Variants in MROH1 observed in about 807,000 individuals in gnomAD.
MROH1 encodes the protein maestro heat like repeat family member 1.
A neutral mutation model predicts 116.5 loss-of-function variants in MROH1; 117 were observed. The observed-to-expected ratio is 1.00, with a 90% CI of 0.86 to 1.17. MROH1 has a LOEUF of 1.17. Among genes scored for constraint, MROH1 ranks in the 50% most tolerant of loss-of-function variants. The pLI is 0.00. For missense variants in MROH1, 1,873 were observed against 1,338.5 expected, an observed-to-expected ratio of 1.40 and a Z score of -6.23; for synonymous variants, 921 against 583.9, an observed-to-expected ratio of 1.58 and a Z score of -8.32.
chr8:144,187,971 A>G (rs1827614130), intron 7 of MROH1, among the ~76,000 whole-genome samples: 1 of 152,102 alleles, frequency 6.6e-6, no homozygotes, highest in Non-Finnish European at 1.5e-5. Flanking sequence ...TGAGGTTGTC[A>G]GCCCATTGTG....
chr8:144,150,527 C>T (rs1320772368), intron 1 of MROH1, among the ~76,000 whole-genome samples: 14 of 152,320 alleles, frequency 9.2e-5, no homozygotes, highest in Middle Eastern at 3.4e-3. Flanking sequence ...GCACCAGCAC[C>T]GAGTAGCCCC....
intron 12 of MROH1, among the ~76,000 whole-genome samples, chr8:144,208,651 A>T (rs761665886): frequency 6.6e-6 from 1 of 152,180 alleles, no homozygotes; most frequent in Non-Finnish European, 1.5e-5. Context: ...CCACAATTCA[A>T]CTTATAGCAT....
rs892227520 is a variant in MROH1 at position 144,254,923 on chromosome 8, G to A, written c.3539G>A (p.Arg1180Gln). The A allele has an allele frequency of 1.5e-5, 12 of 776,664 alleles. No homozygotes were observed. In the Middle Eastern group the frequency reaches 8.1e-4, roughly 52 times the overall value. The allele number at this position is 776,664 out of a possible 1,614,324, so 48.1% of individuals were successfully genotyped here. A position where few individuals can be genotyped will look rare whatever the true frequency, so the allele number is the denominator to read the frequency against. Reference protein sequence around the residue: ...MSRDVPFKESRAFLLGRTPDR... With the variant: ...MSRDVPFKESQAFLLGRTPDR... ...AGGGACGTCCCTTTCAAGGAGAGCC[G>A]GGCCTTCCTGCTGGGCCGCACCCCA... Residue 1180 changes from arginine (R) to glutamine (Q), a missense_variant, in exon 34 of 44, where the codon CGG (arginine) becomes CAG (glutamine). Transcript: ENST00000326134.
chr8:144,218,659 CTCTCCCCTCCCGTCCCCTCT>C (rs1835812817), intron 12 of MROH1, among the ~76,000 whole-genome samples: 1 of 116,008 alleles, frequency 8.6e-6, no homozygotes, highest in African/African-American at 3.3e-5. Flanking sequence ...TCCTCCCCTC[CTCTCCCCTCCCGTCCCCTCT>C]CCCCTCCCCT....
At position 144,213,079 on chromosome 8, in the gene MROH1, G is replaced by T; in HGVS notation, c.1142-7521G>T. 3 of 778,594 alleles carry T rather than the reference G, an allele frequency of 3.9e-6. No individual in the cohort carries two copies. In the East Asian group the frequency reaches 7.3e-5, roughly 19 times the overall value. 48.2% of individuals were successfully genotyped at this position (778,594 alleles called of 1,614,324 possible). A position where few individuals can be genotyped will look rare whatever the true frequency, so the allele number is the denominator to read the frequency against. On this transcript the variant is annotated intron_variant, in intron 12 of 43. Transcript: ENST00000326134. ...AGGACTGCCCTGCACGTGCTGCTCC[G>T]CAGCCTGCTGATCTAACGGCCGCGC...
intron 19 of MROH1, 146 bp from the exon 20 acceptor site, chr8:144,240,424 C>T: frequency 1.5e-6 from 1 of 686,044 alleles, no homozygotes; most frequent in Non-Finnish European, 2.7e-6. Context: ...ATGGCTGTCC[C>T]CTGAGGGTTG....
At chr8:144,181,998 A>G (rs977288183) in intron 7 of MROH1, among the ~76,000 whole-genome samples, 19 of 152,136 alleles carry the variant, frequency 1.2e-4, no homozygotes, top group African/African-American at 4.6e-4. Context: ...CATGTGTCAA[A>G]CACATGGGTT....
chr8:144,258,742 T>C (rs1321562050), intron 35 of MROH1, 35 bp from the exon 36 acceptor site: 2 of 749,628 alleles, frequency 2.7e-6, no homozygotes, highest in South Asian at 1.4e-5. Flanking sequence ...TAGGCGTGTG[T>C]GCCCTACCAG....
At chr8:144,155,340 TAA>T (rs1817778337) in intron 1 of MROH1, among the ~76,000 whole-genome samples, 1 of 152,218 alleles carries the variant, frequency 6.6e-6, no homozygotes, top group African/African-American at 2.4e-5. Flanking sequence ...TATATTTTGA[TAA>T]ATTTTAACTT....
chr8:144,234,326 T>C (rs1839570906), intron 14 of MROH1, among the ~76,000 whole-genome samples: 1 of 151,956 alleles, frequency 6.6e-6, no homozygotes, highest in South Asian at 2.1e-4. Flanking sequence ...ATTTTAACAA[T>C]ATCAAAATCT....
At chr8:144,206,222 T>C (rs1832773557) in intron 12 of MROH1, among the ~76,000 whole-genome samples, 1 of 152,148 alleles carries the variant, frequency 6.6e-6, no homozygotes, top group South Asian at 2.1e-4. Context: ...TTATGACTTC[T>C]GTCACCATAA....
intron 13 of MROH1, among the ~76,000 whole-genome samples, chr8:144,221,263 C>T (rs1836679604): frequency 1.3e-5 from 2 of 152,208 alleles, no homozygotes; most frequent in Admixed American, 1.3e-4. Context: ...TGGCCCGTAG[C>T]CTCCACCTGT....
At chr8:144,159,531 A>G (rs1389043530) in intron 1 of MROH1, among the ~76,000 whole-genome samples, 1 of 152,216 alleles carries the variant, frequency 6.6e-6, no homozygotes, top group African/African-American at 2.4e-5. Flanking sequence ...ATGTGACTCC[A>G]GCTTTCTTGT....
chr8:144,193,915 G>C (rs981503719), intron 10 of MROH1, among the ~76,000 whole-genome samples: 2 of 151,790 alleles, frequency 1.3e-5, no homozygotes, highest in African/African-American at 4.8e-5. Flanking sequence ...AGCCAAGACC[G>C]TGCTTTTCAA....
rs777205515 is a variant in MROH1, at chr8:144,180,394, C to T, written c.464-31C>T. The T allele has an allele frequency of 2.4e-5, 39 of 1,611,768 alleles. No individual in the cohort carries two copies. The highest frequency in any genetic ancestry group is 4.5e-5 in the East Asian group (2 of 44,852). On this transcript the variant is annotated intron_variant, in intron 6 of 43. Coordinates refer to ENST00000326134, the MANE Select transcript of MROH1 (RefSeq NM_032450.3). This position sits in a 1 kb window ranked among gnomAD's most constrained non-coding sequence, Gnocchi z 7.4. ...GAGCACGGGGCGCTGGAAGCCTTGG[C>T]GGAGGCCTTTGACGGTGTCCTCTCT...
rs772259019 is a variant in MROH1, at chr8:144,168,405, C to T, written c.133C>T (p.Arg45Cys). 2.7e-5 allele frequency: 44 copies of T among 1,610,936 alleles called. No individual in the cohort carries two copies. The highest frequency in any genetic ancestry group is 4.4e-5 in the South Asian group (4 of 90,986). Residue 45 changes from arginine (R) to cysteine (C), a missense_variant, in exon 4 of 44, where the codon CGT (arginine) becomes TGT (cysteine). By Grantham distance (180) the Arg-to-Cys change is radical (BLOSUM62 -3). Coordinates refer to ENST00000326134, the MANE Select transcript of MROH1 (RefSeq NM_032450.3). ...GGAGGCGCGGCCGGTGGAGACGCTCCGTGCCTGCGAGGAGTATCTGCGGCA... is the reference window on the plus strand; with the variant it reads ...GGAGGCGCGGCCGGTGGAGACGCTCTGTGCCTGCGAGGAGTATCTGCGGCA... ...LGEARPVETL[R>C]ACEEYLRQHD...
In MROH1 at chr8:144,199,102, C is replaced by T. The variant is rs201029512; in HGVS notation, c.949-20C>T. ...TTCTGGCCTCTCTGGTCTATAACCT[C>T]GGCCCCGTTCCTGGAGCAGATCTGT... On this transcript the variant is annotated intron_variant, in intron 10 of 43. Coordinates refer to ENST00000326134, the MANE Select transcript of MROH1 (RefSeq NM_032450.3). 57 of 1,611,222 alleles carry T rather than the reference C, an allele frequency of 3.5e-5. No homozygotes were observed. The African/African-American group carries it at 5.9e-4, about 17-fold the overall frequency.
At chr8:144,256,730 G>C (rs1225946484) in intron 35 of MROH1, among the ~76,000 whole-genome samples, 3 of 152,228 alleles carry the variant, frequency 2.0e-5, no homozygotes, top group Non-Finnish European at 4.4e-5. Context: ...GGACCCTTGT[G>C]GGTGCCACAT....
intron 1 of MROH1, among the ~76,000 whole-genome samples, chr8:144,152,050 T>C (rs1417029927): frequency 6.6e-6 from 1 of 152,210 alleles, no homozygotes; most frequent in African/African-American, 2.4e-5. Context: ...ACAAGCTCCT[T>C]TGCATACAGT....
Sources: allele counts gnomAD v4.1 joint callset (sites outside exome capture counted in the v4.1 genomes callset), GRCh38; gene constraint gnomAD v4.1.1; non-coding constraint Gnocchi (gnomAD v3.1); transcripts MANE v1.5; gene names NCBI Gene and HGNC (gene_info 2026-07-23, HGNC 2026-07-21).